PFKFB3: variants seen among roughly 807,000 people sequenced by gnomAD.
The protein encoded by PFKFB3 is 6-phosphofructo-2-kinase/fructose-2,6-biphosphatase 3.
PFKFB3 carries 33 observed loss-of-function variants against 68.0 expected under a neutral mutation model. That is an observed-to-expected ratio of 0.49 (90% CI 0.37 to 0.65). PFKFB3 has a LOEUF of 0.65. PFKFB3 is among the 30% of genes least tolerant of loss of function. The pLI, the probability that PFKFB3 is intolerant of heterozygous loss-of-function variation, is 0.00. For synonymous variants in PFKFB3, 315 were observed against 288.2 expected (o/e 1.09, Z -0.94); for missense variants, 586 against 712.2 (o/e 0.82, Z 2.02).
chr10:6,318,911 T>C, the PFKFB3 span, among the ~76,000 whole-genome samples: 1 of 152,090 alleles, frequency 6.6e-6, no homozygotes, highest in Admixed American at 6.5e-5. Flanking sequence ...CTTCCATGGG[T>C]TCCACGGTCA....
At chr10:6,265,748 G>A in the PFKFB3 span, among the ~76,000 whole-genome samples, 4 of 152,148 alleles carry the variant, frequency 2.6e-5, no homozygotes, top group Non-Finnish European at 5.9e-5. Context: ...TTCTTTTTAA[G>A]TTTAGCTTTC....
At position 6,183,965 on chromosome 10, in the gene PFKFB3, C is replaced by T. The variant is rs148585715; in HGVS notation, c.17-29658C>T. 2.4e-4 allele frequency among the ~76,000 whole-genome samples: 36 copies of T among 152,036 alleles called. 2 individuals carry two copies. In the East Asian group the frequency reaches 7.0e-3, roughly 29 times the overall value. ...TCGCCCTCCCAAAGTGCTGGGATTACAGGTGTGAGCCACCGCGCCTGGCCT... is the reference window on the plus strand; with the variant it reads ...TCGCCCTCCCAAAGTGCTGGGATTATAGGTGTGAGCCACCGCGCCTGGCCT... On this transcript the variant is annotated intron_variant, in intron 1 of 14. Coordinates refer to the PFKFB3 transcript ENST00000379789.
chr10:6,325,097 G>A, the PFKFB3 span, among the ~76,000 whole-genome samples: 2 of 152,144 alleles, frequency 1.3e-5, no homozygotes, highest in South Asian at 4.1e-4. Flanking sequence ...CCGAGTAGCT[G>A]GGGTTACAGG....
chr10:6,230,042 T>C (rs889621770), intron 14 of PFKFB3, among the ~76,000 whole-genome samples: 5 of 152,150 alleles, frequency 3.3e-5, no homozygotes, highest in Admixed American at 3.3e-4. Flanking sequence ...CGTGGCCTCA[T>C]GTTGCCAGGA....
chr10:6,313,203 T>C, the PFKFB3 span, among the ~76,000 whole-genome samples: 1 of 152,266 alleles, frequency 6.6e-6, no homozygotes, highest in Non-Finnish European at 1.5e-5. This position sits in a 1 kb window ranked among gnomAD's most constrained non-coding sequence, Gnocchi z 4.2. Flanking sequence ...GCCTACCTTT[T>C]ACCTTTTGCA....
chr10:6,218,189 T>C (rs1360294096), intron 6 of PFKFB3, among the ~76,000 whole-genome samples: 1 of 152,186 alleles, frequency 6.6e-6, no homozygotes, highest in African/African-American at 2.4e-5. Context: ...GAAGTCATTT[T>C]TCCCAGTGAG....
At chr10:6,282,620 C>T in the PFKFB3 span, among the ~76,000 whole-genome samples, 1 of 152,158 alleles carries the variant, frequency 6.6e-6, no homozygotes, top group Admixed American at 6.5e-5. Context: ...AAATGTCTCT[C>T]TTTCTCTGAG....
intron 1 of PFKFB3, among the ~76,000 whole-genome samples, chr10:6,167,712 T>A (rs1159885008): frequency 6.6e-6 from 1 of 152,242 alleles, no homozygotes; most frequent in Non-Finnish European, 1.5e-5. Context: ...CTCTCTGCTC[T>A]GAGCAGTTTG....
At chr10:6,199,963 G>A (rs527371677), upstream of PFKFB3, among the ~76,000 whole-genome samples, 55 of 151,894 alleles carry the variant, frequency 3.6e-4, no homozygotes, top group Non-Finnish European at 6.0e-4. Flanking sequence ...GGTTAGGGTG[G>A]CCCTATAATG....
At chr10:6,192,261 C>T (rs762467551) in intron 1 of PFKFB3, among the ~76,000 whole-genome samples, 6 of 151,792 alleles carry the variant, frequency 4.0e-5, no homozygotes, top group Non-Finnish European at 7.4e-5. Context: ...CCCATTCTCT[C>T]ATATGAACCC....
intron 1 of PFKFB3, among the ~76,000 whole-genome samples, chr10:6,195,626 G>T (rs1278972212): frequency 6.6e-6 from 1 of 152,210 alleles, no homozygotes; most frequent in Non-Finnish European, 1.5e-5. Context: ...ACTGGTAAGA[G>T]AATGCAGATA....
intron 1 of PFKFB3, among the ~76,000 whole-genome samples, chr10:6,182,983 T>C (rs1842762244): frequency 6.6e-6 from 1 of 152,080 alleles, no homozygotes; most frequent in Admixed American, 6.5e-5. Context: ...GATGGGGCGG[T>C]GCCCAGCACG....
upstream of PFKFB3, among the ~76,000 whole-genome samples, chr10:6,198,280 A>C (rs943993379): frequency 6.6e-6 from 1 of 152,074 alleles, no homozygotes; most frequent in African/African-American, 2.4e-5. Flanking sequence ...AAAGAAAAGA[A>C]AAGGAAATGC....
intron 1 of PFKFB3, among the ~76,000 whole-genome samples, chr10:6,170,117 G>A (rs1396949726): frequency 6.6e-6 from 1 of 152,150 alleles, no homozygotes; most frequent in Non-Finnish European, 1.5e-5. Flanking sequence ...GTTCTTTAAT[G>A]AAGACGATGG....
the PFKFB3 span, among the ~76,000 whole-genome samples, chr10:6,297,086 C>T: frequency 6.6e-6 from 1 of 152,226 alleles, no homozygotes; most frequent in Non-Finnish European, 1.5e-5. Context: ...TCTGGGTCTC[C>T]TAACACCAAC....
downstream of PFKFB3, among the ~76,000 whole-genome samples, chr10:6,255,151 G>C (rs1210214442): frequency 7.3e-6 from 1 of 137,496 alleles, no homozygotes; most frequent in Non-Finnish European, 1.5e-5. Context: ...TTTTTTTTTT[G>C]AGACGGAGTC....
chr10:6,166,845 T>C (rs1337987367), intron 1 of PFKFB3, among the ~76,000 whole-genome samples: 2 of 147,666 alleles, frequency 1.4e-5, no homozygotes, highest in Admixed American at 6.8e-5. Context: ...TTTTTTTTAT[T>C]TGAGACAGAG....
In PFKFB3 at chr10:6,196,114, C is replaced by T; in HGVS notation, c.17-17509C>T. Reference sequence around the variant, plus strand: ...AGACAGCACGGGCAGCAGGGTGCTGCCTCGTGAGCTTGCCTTTTTTTTTTT... The same window carrying T: ...AGACAGCACGGGCAGCAGGGTGCTGTCTCGTGAGCTTGCCTTTTTTTTTTT... On this transcript the variant is annotated intron_variant, in intron 1 of 14. Transcript: ENST00000379789. Among the ~76,000 whole-genome samples, 2 of 151,560 alleles carry T rather than the reference C, an allele frequency of 1.3e-5. 1 individual carries two copies.
chr10:6,217,264 G>A, intron 6 of PFKFB3, 73 bp downstream of exon 6: 2 of 1,364,366 alleles, frequency 1.5e-6, no homozygotes, highest in Non-Finnish European at 2.1e-6. Context: ...GAGGAAGTGG[G>A]GGACCGGGTC....
Sources: allele counts gnomAD v4.1 joint callset (sites outside exome capture counted in the v4.1 genomes callset), GRCh38; gene constraint gnomAD v4.1.1; non-coding constraint Gnocchi (gnomAD v3.1); transcripts MANE v1.5; gene names NCBI Gene and HGNC (gene_info 2026-07-23, HGNC 2026-07-21).